Variants in MAN1A1 observed in about 807,000 individuals in gnomAD.
MAN1A1 encodes mannosyl-oligosaccharide 1,2-alpha-mannosidase IA.
MAN1A1 carries 29 observed loss-of-function variants against 70.8 expected under a neutral mutation model. The ratio of observed to expected loss-of-function variants is 0.41; its 90% CI spans 0.31 to 0.56. The LOEUF (loss-of-function observed/expected upper bound fraction) is 0.56, where lower values mean the gene tolerates loss of function less well. Ranked by LOEUF, MAN1A1 falls within the 20% of genes least tolerant of loss-of-function variation. The pLI is 0.29. For synonymous variants in MAN1A1, 349 were observed against 330.1 expected, an observed-to-expected ratio of 1.06 and a Z score of -0.62; for missense variants, 747 against 841.3, an observed-to-expected ratio of 0.89 and a Z score of 1.39.
chr6:119,349,195 T>C lies in MAN1A1; in HGVS notation c.-130A>G. 8.1e-7 allele frequency: 1 copy of C among 1,227,870 alleles called. No individual in the cohort carries two copies. Among genetic ancestry groups the C allele is most frequent in the Middle Eastern group, 3.2e-4 (1 of 3,162 alleles). The allele number at this position is 1,227,870 out of a possible 1,614,324, so 76.1% of individuals were successfully genotyped here. A position where few individuals can be genotyped will look rare whatever the true frequency, so the allele number is the denominator to read the frequency against. Reference sequence around the variant, plus strand: ...CCGACCCCCTCGGCTGGGCTGCGGATCCTCCCTGGGGGAACAACTCCGCGC... The same window carrying C: ...CCGACCCCCTCGGCTGGGCTGCGGACCCTCCCTGGGGGAACAACTCCGCGC... On this transcript the variant is annotated 5_prime_UTR_variant, in exon 2 of 13. Transcript: ENST00000368468.
chr6:119,280,750 T>C (rs147635013), intron 5 of MAN1A1, among the ~76,000 whole-genome samples: 568 of 152,346 alleles, frequency 3.7e-3, no homozygotes, highest in Non-Finnish European at 5.8e-3. Flanking sequence ...TCCATGTCAA[T>C]ATGACTCAGG....
chr6:119,276,852 T>C (rs1270113867), intron 5 of MAN1A1, among the ~76,000 whole-genome samples: 1 of 152,334 alleles, frequency 6.6e-6, no homozygotes, highest in African/African-American at 2.4e-5. Flanking sequence ...ATGGTATTTA[T>C]AAAACTAAGA....
intron 8 of MAN1A1, among the ~76,000 whole-genome samples, chr6:119,200,234 A>G (rs1192408471): frequency 6.6e-6 from 1 of 152,176 alleles, no homozygotes; most frequent in African/African-American, 2.4e-5. Flanking sequence ...ATTATATATC[A>G]TTATACTAGT....
chr6:119,191,830 T>C (rs1027350079), intron 9 of MAN1A1, among the ~76,000 whole-genome samples: 1 of 152,202 alleles, frequency 6.6e-6, no homozygotes, highest in Non-Finnish European at 1.5e-5. Context: ...CAGTAATCAA[T>C]TGTCCAGAAC....
intron 5 of MAN1A1, among the ~76,000 whole-genome samples, chr6:119,252,087 A>G (rs1041123763): frequency 1.3e-5 from 2 of 152,052 alleles, no homozygotes; most frequent in African/African-American, 4.8e-5. Flanking sequence ...TTATTGTTTG[A>G]TAACTCCACT....
At position 119,322,591 on chromosome 6, in the gene MAN1A1, C is replaced by T. The variant is rs75400869; in HGVS notation, c.604-15599G>A. Among the ~76,000 whole-genome samples the T allele has an allele frequency of 5.9e-3, 899 of 152,220 alleles. 30 individuals carry two copies. In the East Asian group the frequency reaches 0.091, roughly 15 times the overall value. ...CCTGTGTGTGCTATTTGCTACTACT[C>T]GGCCAGTCCTATTTATAGAAATTAT... On this transcript the variant is annotated intron_variant, in intron 2 of 12. Transcript: ENST00000368468.
intron 6 of MAN1A1, among the ~76,000 whole-genome samples, chr6:119,228,877 A>C (rs781240854): frequency 1.9e-4 from 29 of 151,954 alleles, no homozygotes; most frequent in Non-Finnish European, 3.8e-4. Flanking sequence ...ACTCTGTGTG[A>C]CCCTCCCTTG....
intron 6 of MAN1A1, among the ~76,000 whole-genome samples, chr6:119,210,144 G>C (rs1281500582): frequency 1.3e-5 from 2 of 152,134 alleles, no homozygotes; most frequent in African/African-American, 4.8e-5. Context: ...GAAGACGGGG[G>C]TTATGAAGAC....
At position 119,313,961 on chromosome 6, in the gene MAN1A1, C is replaced by T. The variant is rs1256685654; in HGVS notation, c.604-6969G>A. On this transcript the variant is annotated intron_variant, in intron 2 of 12. Transcript: ENST00000368468. ...AAAAAAAAAAAAAAAATCAAAACTA[C>T]GCTGGCTAAGGGTTAAAAAAAAAAA... 3.3e-5 allele frequency among the ~76,000 whole-genome samples: 5 copies of T among 151,834 alleles called. No individual in the cohort carries two copies. The East Asian group carries it at 9.7e-4, about 29-fold the overall frequency.
intron 2 of MAN1A1, among the ~76,000 whole-genome samples, chr6:119,325,481 G>C (rs1217339860): frequency 6.6e-6 from 1 of 152,108 alleles, no homozygotes; most frequent in Non-Finnish European, 1.5e-5. Context: ...AACATGTGAA[G>C]CCCCGTCTCT....
At chr6:119,233,784 TTGGCAATGGGACCCTCAC>T (rs1168026126) in intron 6 of MAN1A1, among the ~76,000 whole-genome samples, 7 of 152,210 alleles carry the variant, frequency 4.6e-5, no homozygotes, top group African/African-American at 1.7e-4. Flanking sequence ...CAATAAGAAG[TTGGCAATGGGACCCTCAC>T]TGTTCTACAG....
intron 5 of MAN1A1, among the ~76,000 whole-genome samples, chr6:119,284,715 A>C (rs1030162954): frequency 6.6e-6 from 1 of 152,094 alleles, no homozygotes; most frequent in Non-Finnish European, 1.5e-5. Flanking sequence ...TAAGTTGTCT[A>C]ATATTGTATA....
intron 5 of MAN1A1, among the ~76,000 whole-genome samples, chr6:119,285,128 G>A (rs934491239): frequency 1.9e-5 from 2 of 103,096 alleles, no homozygotes; most frequent in African/African-American, 7.4e-5. Flanking sequence ...AGGGAAAGGA[G>A]GTAGCAGACT....
intron 6 of MAN1A1, among the ~76,000 whole-genome samples, chr6:119,234,112 G>T (rs1242057442): frequency 6.6e-6 from 1 of 152,104 alleles, no homozygotes; most frequent in Admixed American, 6.6e-5. Flanking sequence ...AATTTGAAAA[G>T]AAGAAAACAA....
At chr6:119,319,359 A>AAATAATAAT (rs199629407) in intron 2 of MAN1A1, among the ~76,000 whole-genome samples, 1 of 147,820 alleles carries the variant, frequency 6.8e-6, no homozygotes, top group African/African-American at 2.5e-5. Context: ...AAAATGGTAA[A>AAATAATAAT]AATAATAATA....
chr6:119,265,102 ATTT>A (rs5879494), intron 5 of MAN1A1, among the ~76,000 whole-genome samples: 3 of 141,554 alleles, frequency 2.1e-5, no homozygotes, highest in Non-Finnish European at 1.5e-5. Flanking sequence ...CCTTTTTTAA[ATTT>A]TTTTTTTTTT....
chr6:119,218,501 T>C (rs1230192189), intron 6 of MAN1A1, among the ~76,000 whole-genome samples: 3 of 152,028 alleles, frequency 2.0e-5, no homozygotes, highest in Non-Finnish European at 4.4e-5. Context: ...TATCAAATAT[T>C]AAACCACCGA....
intron 6 of MAN1A1, among the ~76,000 whole-genome samples, chr6:119,245,350 C>T (rs1775142477): frequency 6.6e-6 from 1 of 152,114 alleles, no homozygotes; most frequent in Non-Finnish European, 1.5e-5. Context: ...TCCAAAACTA[C>T]GAAAGCAGCT....
At chr6:119,332,476 G>A (rs940189226) in intron 2 of MAN1A1, among the ~76,000 whole-genome samples, 2 of 152,168 alleles carry the variant, frequency 1.3e-5, no homozygotes, top group Admixed American at 1.3e-4. Context: ...TATTATTGCT[G>A]TTGTTATTCA....
Sources: allele counts gnomAD v4.1 joint callset (sites outside exome capture counted in the v4.1 genomes callset), GRCh38; gene constraint gnomAD v4.1.1; transcripts MANE v1.5; gene names NCBI Gene and HGNC (gene_info 2026-07-23, HGNC 2026-07-21).